The following KCNT2 variants were observed in gnomAD, a reference collection of about 807,000 sequenced individuals.
KCNT2 encodes potassium channel subfamily T member 2.
In KCNT2, 67 loss-of-function variants were observed where a neutral mutation model predicts 153.8. The ratio of observed to expected loss-of-function variants is 0.44; its 90% CI spans 0.36 to 0.53. The LOEUF (loss-of-function observed/expected upper bound fraction) is 0.53, where lower values mean the gene tolerates loss of function less well. Ranked by LOEUF, KCNT2 falls within the 20% of genes least tolerant of loss-of-function variation. KCNT2 has a pLI of 0.00. For missense variants in KCNT2, 975 were observed against 1,354.8 expected (o/e 0.72, Z 4.40); for synonymous variants, 500 against 458.8 (o/e 1.09, Z -1.15).
At chr1:196,314,642 G>A (rs1425226319) in intron 21 of KCNT2, among the ~76,000 whole-genome samples, 2 of 151,552 alleles carry the variant, frequency 1.3e-5, no homozygotes, top group African/African-American at 2.4e-5. Flanking sequence ...CATTAACACT[G>A]CAAGGTCGGT....
chr1:196,512,184 G>A (rs1220813280), intron 1 of KCNT2, among the ~76,000 whole-genome samples: 1 of 152,100 alleles, frequency 6.6e-6, no homozygotes, highest in East Asian at 1.9e-4. Flanking sequence ...AAACTCCAGA[G>A]ACTCCATTTT....
At position 196,543,826 on chromosome 1, in the gene KCNT2, AAC is replaced by A. The variant is rs1213563319; in HGVS notation, c.96-51487_96-51486del. Among the ~76,000 whole-genome samples, 14 of 152,276 alleles carry A rather than the reference AAC, an allele frequency of 9.2e-5. No homozygotes were observed. In the East Asian group the frequency reaches 2.5e-3, roughly 27 times the overall value. ...TAGGTGGTACAGCCACGCTGGAAAA[AAC>A]AGTTTGTCTGCTTCTTAAATTAAAA... On this transcript the variant is annotated intron_variant, in intron 1 of 27. Transcript: ENST00000294725.
At chr1:196,324,077 G>A (rs1217096567) in intron 19 of KCNT2, among the ~76,000 whole-genome samples, 2 of 151,462 alleles carry the variant, frequency 1.3e-5, no homozygotes, top group Non-Finnish European at 2.9e-5. Flanking sequence ...AAGAATATTC[G>A]ACAATACTTT....
intron 22 of KCNT2, among the ~76,000 whole-genome samples, chr1:196,304,050 G>A (rs1661414340): frequency 6.6e-6 from 1 of 152,116 alleles, no homozygotes; most frequent in Admixed American, 6.6e-5. Context: ...ATAATCTTGG[G>A]AGAGGTATCT....
chr1:196,327,726 G>A (rs1320716288), intron 18 of KCNT2, among the ~76,000 whole-genome samples: 1 of 149,514 alleles, frequency 6.7e-6, no homozygotes, highest in African/African-American at 2.5e-5. Flanking sequence ...GAGTGCAGTG[G>A]TGCAATCATC....
In KCNT2 at chr1:196,283,751, A is replaced by G. The variant is rs370580379; in HGVS notation, c.2698-1395T>C. ...TAAAAAAGCCACAAAATAGTTATGA[A>G]TTAATGCCAGCAATTTTTTAAAATG... On this transcript the variant is annotated intron_variant, in intron 23 of 27. Transcript: ENST00000294725. 8.5e-5 allele frequency among the ~76,000 whole-genome samples: 13 copies of G among 152,192 alleles called. 3 individuals carry two copies. The highest frequency in any genetic ancestry group is 7.7e-4 in the East Asian group (4 of 5,184).
intron 8 of KCNT2, among the ~76,000 whole-genome samples, chr1:196,455,000 C>A (rs1289269934): frequency 6.6e-6 from 1 of 152,000 alleles, no homozygotes; most frequent in Non-Finnish European, 1.5e-5. Context: ...CTCCCTGGCT[C>A]TTGACCAGGA....
At chr1:196,387,881 T>C (rs888139840) in intron 13 of KCNT2, among the ~76,000 whole-genome samples, 1 of 151,742 alleles carries the variant, frequency 6.6e-6, no homozygotes, top group African/African-American at 2.4e-5. Context: ...TTCTTTGAAA[T>C]TGTCTAGTGA....
intron 14 of KCNT2, among the ~76,000 whole-genome samples, chr1:196,352,398 A>C (rs1666793707): frequency 6.6e-6 from 1 of 151,938 alleles, no homozygotes; most frequent in Non-Finnish European, 1.5e-5. Flanking sequence ...TTATTGGTCT[A>C]TTCAGAGATT....
chr1:196,364,444 TA>T (rs1667878243), intron 14 of KCNT2, among the ~76,000 whole-genome samples: 2 of 152,288 alleles, frequency 1.3e-5, no homozygotes, highest in African/African-American at 4.8e-5. Flanking sequence ...AATCACTTTT[TA>T]TACAGCATAC....
chr1:196,428,697 G>A (rs1673867299), intron 9 of KCNT2, among the ~76,000 whole-genome samples: 2 of 152,080 alleles, frequency 1.3e-5, no homozygotes, highest in Admixed American at 1.3e-4. Context: ...ACGGAGGAAA[G>A]TGAAAGGTGC....
intron 25 of KCNT2, among the ~76,000 whole-genome samples, chr1:196,277,037 T>C (rs545383505): frequency 8.0e-4 from 122 of 152,310 alleles, no homozygotes; most frequent in African/African-American, 2.9e-3. Flanking sequence ...TACAGTAATA[T>C]TTCTTCAATT....
intron 8 of KCNT2, among the ~76,000 whole-genome samples, chr1:196,448,802 A>T (rs985735738): frequency 2.0e-5 from 3 of 151,680 alleles, no homozygotes; most frequent in Non-Finnish European, 4.4e-5. Flanking sequence ...AAATCTAATG[A>T]CTTTTTTTGT....
At chr1:196,593,375 T>G (rs1366697874) in intron 1 of KCNT2, among the ~76,000 whole-genome samples, 1 of 150,806 alleles carries the variant, frequency 6.6e-6, no homozygotes, top group African/African-American at 2.4e-5. Flanking sequence ...TTTTTATTTT[T>G]TTCTTTATCC....
chr1:196,571,113 T>A (rs969919462), intron 1 of KCNT2, among the ~76,000 whole-genome samples: 1 of 152,114 alleles, frequency 6.6e-6, no homozygotes, highest in Non-Finnish European at 1.5e-5. Context: ...TTAAATAGTA[T>A]CTCATAGTAC....
At chr1:196,419,591 C>A (rs943263739) in intron 12 of KCNT2, among the ~76,000 whole-genome samples, 1 of 151,548 alleles carries the variant, frequency 6.6e-6, no homozygotes, top group Admixed American at 6.6e-5. Flanking sequence ...CATTGTTGGA[C>A]ATTTGGGTTG....
chr1:196,372,782 A>T (rs1318914015), intron 14 of KCNT2, among the ~76,000 whole-genome samples: 1 of 151,914 alleles, frequency 6.6e-6, no homozygotes, highest in African/African-American at 2.4e-5. Flanking sequence ...TATACTAATA[A>T]CTGTGAGAAT....
intron 13 of KCNT2, among the ~76,000 whole-genome samples, chr1:196,390,048 C>T (rs189032531): frequency 7.1e-4 from 107 of 151,540 alleles, no homozygotes; most frequent in Admixed American, 1.7e-3. Context: ...AATTACAAAG[C>T]GCTGTTTTTA....
chr1:196,389,665 C>T (rs1274178677), intron 13 of KCNT2, among the ~76,000 whole-genome samples: 4 of 151,674 alleles, frequency 2.6e-5, no homozygotes, highest in Non-Finnish European at 4.4e-5. Context: ...TCACTGCAGA[C>T]TGGTGAGACC....
Sources: allele counts gnomAD v4.1 joint callset (sites outside exome capture counted in the v4.1 genomes callset), GRCh38; gene constraint gnomAD v4.1.1; transcripts MANE v1.5; gene names NCBI Gene and HGNC (gene_info 2026-07-23, HGNC 2026-07-21).